The following TMEM87A variants were observed in gnomAD, a reference collection of about 807,000 sequenced individuals.
The protein encoded by TMEM87A is Golgi-pH regulating cation channel.
A neutral mutation model predicts 90.0 loss-of-function variants in TMEM87A; 50 were observed. The ratio of observed to expected loss-of-function variants is 0.56; its 90% CI spans 0.44 to 0.70. The LOEUF is 0.70. TMEM87A is among the 30% of genes least tolerant of loss of function. The pLI, the probability that TMEM87A is intolerant of heterozygous loss-of-function variation, is 0.00. For missense variants in TMEM87A, 577 were observed against 660.5 expected (o/e 0.87, Z 1.39); for synonymous variants, 226 against 226.7 (o/e 1.00, Z 0.03).
At chr15:42,226,255 C>T (rs2050589852) in intron 15 of TMEM87A, among the ~76,000 whole-genome samples, 1 of 151,950 alleles carries the variant, frequency 6.6e-6, no homozygotes, top group Non-Finnish European at 1.5e-5. Flanking sequence ...CTGCCTTGGC[C>T]TCCCAAAGTG....
intron 6 of TMEM87A, among the ~76,000 whole-genome samples, chr15:42,247,944 T>G (rs1239839497): frequency 6.6e-6 from 1 of 152,224 alleles, no homozygotes; most frequent in East Asian, 1.9e-4. Flanking sequence ...CATTTGTTTG[T>G]GTCCTCTTTT....
chr15:42,231,976 T>C, intron 11 of TMEM87A: 14 of 944,962 alleles, frequency 1.5e-5, no homozygotes, highest in Non-Finnish European at 2.0e-5. Flanking sequence ...GCTAGAAGTC[T>C]AAGAGAATTA....
intron 6 of TMEM87A, among the ~76,000 whole-genome samples, chr15:42,248,721 C>A (rs540834203): frequency 2.0e-5 from 3 of 152,128 alleles, no homozygotes; most frequent in Non-Finnish European, 4.4e-5. Flanking sequence ...CGATGTTCAT[C>A]GGGGATAGTG....
At chr15:42,240,919 G>A (rs2050855603) in intron 7 of TMEM87A, among the ~76,000 whole-genome samples, 1 of 152,132 alleles carries the variant, frequency 6.6e-6, no homozygotes, top group Admixed American at 6.5e-5. Flanking sequence ...GTAAATACTT[G>A]GATCATATTC....
At position 42,264,085 on chromosome 15, in the gene TMEM87A, A is replaced by G; in HGVS notation, c.405+5T>C. The G allele has an allele frequency of 6.2e-7, 1 of 1,607,294 alleles. No homozygotes were observed. The highest frequency in any genetic ancestry group is 8.5e-7 in the Non-Finnish European group (1 of 1,175,724). ...TATTTATCTCCAATCACTTTCAAAGATTACCTGTGTTTTAAAGAGTTCACT... is the reference window on the plus strand; with the variant it reads ...TATTTATCTCCAATCACTTTCAAAGGTTACCTGTGTTTTAAAGAGTTCACT... On this transcript the variant is annotated splice_donor_5th_base_variant and intron_variant, in intron 4 of 19. Transcript: ENST00000389834.
chr15:42,211,417 T>G lies in TMEM87A; in HGVS notation c.*291A>C. The G allele has an allele frequency of 3.3e-6, 1 of 307,376 alleles. No individual in the cohort carries two copies. Among genetic ancestry groups the G allele is most frequent in the South Asian group, 9.7e-5 (1 of 10,306 alleles). 19.0% of individuals were successfully genotyped at this position (307,376 alleles called of 1,614,324 possible). A position where few individuals can be genotyped will look rare whatever the true frequency, so the allele number is the denominator to read the frequency against. On this transcript the variant is annotated 3_prime_UTR_variant, in exon 20 of 20. Coordinates refer to ENST00000389834, the MANE Select transcript of TMEM87A (RefSeq NM_015497.5). ...TAAAAAATGAAACATTACAGAAAGT[T>G]CAGGAACAACACACTTAAGTTGCAT...
At chr15:42,257,269 C>G (rs1465103371) in intron 6 of TMEM87A, among the ~76,000 whole-genome samples, 1 of 151,974 alleles carries the variant, frequency 6.6e-6, no homozygotes, top group African/African-American at 2.4e-5. Context: ...TGCCACTGTC[C>G]TTTCAGTAAT....
At chr15:42,257,066 C>A (rs567461259) in intron 6 of TMEM87A, among the ~76,000 whole-genome samples, 7 of 152,286 alleles carry the variant, frequency 4.6e-5, no homozygotes, top group African/African-American at 1.7e-4. Context: ...TGTTGCTTAA[C>A]TAGACAAACT....
intron 6 of TMEM87A, among the ~76,000 whole-genome samples, chr15:42,245,249 G>A (rs2050950082): frequency 6.6e-6 from 1 of 152,164 alleles, no homozygotes; most frequent in African/African-American, 2.4e-5. Flanking sequence ...CAGCTTCAAA[G>A]TTATGGGTAA....
chr15:42,238,700 T>C (rs73407488), intron 8 of TMEM87A, among the ~76,000 whole-genome samples: 23,104 of 149,988 alleles, frequency 0.15, 3,050 homozygotes, highest in African/African-American at 0.34. Context: ...TGAGCCATTA[T>C]CCATTATCAT....
chr15:42,251,147 T>C (rs557061836), intron 6 of TMEM87A, among the ~76,000 whole-genome samples: 20 of 152,294 alleles, frequency 1.3e-4, no homozygotes, highest in African/African-American at 4.6e-4. Context: ...CATCTACTCT[T>C]TTTTCAAGGT....
At chr15:42,254,142 G>C (rs187696231) in intron 6 of TMEM87A, among the ~76,000 whole-genome samples, 4 of 150,886 alleles carry the variant, frequency 2.7e-5, no homozygotes, top group African/African-American at 9.8e-5. Flanking sequence ...TCTCAAAATT[G>C]TAAGTGCCCT....
At position 42,264,189 on chromosome 15, in the gene TMEM87A, C is replaced by T; in HGVS notation, c.306G>A (p.Glu102=). ...EIYNFKAEEV[E]LYLEKLKEKR... ...TTTCCTTAAGTTTTTCCAAATACAA[C>T]TCTACTTCTTCTGCCTGGAAAAAGA... The change falls in exon 4 of 20, where the codon GAG becomes GAA. Residue 102 remains glutamate (E), a synonymous_variant. Transcript: ENST00000389834. 6.2e-7 allele frequency: 1 copy of T among 1,612,450 alleles called. No individual in the cohort carries two copies. The highest frequency in any genetic ancestry group is 1.1e-5 in the South Asian group (1 of 90,978).
Position 42,210,955 on chromosome 15 carries a change from G to A in TMEM87A, c.*753C>T, listed in dbSNP as rs549250597. On this transcript the variant is annotated 3_prime_UTR_variant, in exon 20 of 20. Transcript: ENST00000389834. ...TTACAAAACAGTAGTTAAAAGTTTC[G>A]GAGTGTGCACCACATTGCCAGCAAT... 5 of 152,584 alleles carry A rather than the reference G, an allele frequency of 3.3e-5. No individual in the cohort carries two copies. Among genetic ancestry groups the A allele is most frequent in the Non-Finnish European group, 7.4e-5 (5 of 68,020 alleles). The allele number at this position is 152,584 out of a possible 1,614,324, so 9.5% of individuals were successfully genotyped here. A position where few individuals can be genotyped will look rare whatever the true frequency, so the allele number is the denominator to read the frequency against.
intron 2 of TMEM87A, among the ~76,000 whole-genome samples, chr15:42,268,778 T>C (rs1340821698): frequency 1.3e-5 from 2 of 152,180 alleles, no homozygotes; most frequent in Non-Finnish European, 2.9e-5. Context: ...ATTAAGACCC[T>C]TCAAAAGGCT....
intron 11 of TMEM87A, among the ~76,000 whole-genome samples, chr15:42,232,264 G>A (rs1377203307): frequency 6.6e-6 from 1 of 152,046 alleles, no homozygotes; most frequent in African/African-American, 2.4e-5. Flanking sequence ...GTATCACTCT[G>A]TTGCTGGAGT....
At chr15:42,259,904 G>C (rs2051255889) in intron 6 of TMEM87A, among the ~76,000 whole-genome samples, 1 of 152,182 alleles carries the variant, frequency 6.6e-6, no homozygotes, top group African/African-American at 2.4e-5. Context: ...GAAAAGGCAA[G>C]TACAGAGAAA....
chr15:42,229,743 G>A (rs140782026), intron 12 of TMEM87A, among the ~76,000 whole-genome samples: 32 of 152,276 alleles, frequency 2.1e-4, no homozygotes, highest in African/African-American at 7.7e-4. Flanking sequence ...TCCATTTTCA[G>A]AACATTATTC....
At chr15:42,259,312 G>A (rs140243727) in intron 6 of TMEM87A, among the ~76,000 whole-genome samples, 7 of 152,040 alleles carry the variant, frequency 4.6e-5, no homozygotes, top group Admixed American at 2.0e-4. Flanking sequence ...TGGTAGAGAC[G>A]GGGTTTCACC....
Sources: gnomAD v4.1 joint callset for allele counts (sites outside exome capture counted in the v4.1 genomes callset) on GRCh38, gnomAD v4.1.1 for gene constraint, MANE v1.5 for transcripts, NCBI Gene and HGNC (gene_info 2026-07-23, HGNC 2026-07-21) for gene names.